PIK3C2G: variants seen among roughly 807,000 people sequenced by gnomAD.
PIK3C2G encodes phosphatidylinositol 3-kinase C2 domain-containing subunit gamma.
Under a neutral mutation model 181.1 loss-of-function variants are expected in PIK3C2G, and 168 were observed. That is an observed-to-expected ratio of 0.93 (90% CI 0.82 to 1.05). The LOEUF (loss-of-function observed/expected upper bound fraction) is 1.05. Ranked by LOEUF, PIK3C2G falls within the 50% of genes least tolerant of loss-of-function variation. The pLI is 0.00. For synonymous variants in PIK3C2G, 573 were observed against 592.2 expected (o/e 0.97, Z 0.47); for missense variants, 1,869 against 1,732.8 (o/e 1.08, Z -1.40).
chr12:18,249,804 C>T (rs1344349403), intron 1 of PIK3C2G, among the ~76,000 whole-genome samples: 1 of 151,942 alleles, frequency 6.6e-6, no homozygotes, highest in African/African-American at 2.4e-5. Flanking sequence ...AGTGAAAACT[C>T]AGAAATATCT....
intron 14 of PIK3C2G, among the ~76,000 whole-genome samples, chr12:18,385,405 G>GA (rs1168167902): frequency 1.3e-5 from 2 of 152,096 alleles, no homozygotes; most frequent in Non-Finnish European, 2.9e-5. Context: ...AGTGGAGGCA[G>GA]ATAATACATA....
chr12:18,574,027 G>A (rs1297280113), intron 29 of PIK3C2G, among the ~76,000 whole-genome samples: 4 of 152,126 alleles, frequency 2.6e-5, no homozygotes, highest in Non-Finnish European at 4.4e-5. Context: ...TATATGCACA[G>A]AACATACAAC....
At chr12:18,485,993 C>T (rs1292292635) in intron 18 of PIK3C2G, among the ~76,000 whole-genome samples, 3 of 152,146 alleles carry the variant, frequency 2.0e-5, no homozygotes, top group Non-Finnish European at 2.9e-5. Context: ...CCACCCAAAA[C>T]TTTGTAGTTC....
At chr12:18,369,322 T>A (rs530181382) in intron 12 of PIK3C2G, among the ~76,000 whole-genome samples, 65 of 152,276 alleles carry the variant, frequency 4.3e-4, no homozygotes, top group African/African-American at 1.4e-3. Context: ...TATCTCCCCA[T>A]CTCAACTCCT....
chr12:18,645,042 A>G (rs1274722694), intron 32 of PIK3C2G, among the ~76,000 whole-genome samples: 3 of 152,218 alleles, frequency 2.0e-5, no homozygotes, highest in African/African-American at 7.2e-5. Flanking sequence ...ATAATTCCAA[A>G]CCCACACATT....
chr12:18,640,552 A>G lies in PIK3C2G; in HGVS notation c.4306A>G (p.Ile1436Val), dbSNP rs761211643. The G allele has an allele frequency of 1.9e-6, 3 of 1,593,196 alleles. No homozygotes were observed. The African/African-American group carries it at 4.0e-5, about 21-fold the overall frequency. ...PKCTDPTYNE[I>V]VVYDEVTELQ... ...ATGTACGGACCCCACTTACAATGAA[A>G]TTGTAAGTATAAGTCACCTTTTGTC... The change falls in exon 32 of 33, where the codon ATT (isoleucine) becomes GTT (valine). Residue 1436 changes from isoleucine (I) to valine (V), a missense_variant and splice_region_variant. By Grantham distance (29) the Ile-to-Val change is conservative. Coordinates refer to ENST00000538779, the MANE Select transcript of PIK3C2G (RefSeq NM_001288772.2).
the PIK3C2G span, among the ~76,000 whole-genome samples, chr12:18,707,057 G>A: frequency 2.0e-5 from 3 of 152,096 alleles, no homozygotes; most frequent in Non-Finnish European, 2.9e-5. Context: ...TCCTCCTCTG[G>A]TGTATCAAAT....
chr12:18,684,013 A>C, the PIK3C2G span: 21 of 1,241,590 alleles, frequency 1.7e-5, no homozygotes, highest in Non-Finnish European at 2.3e-5. Context: ...TCAATACATA[A>C]AATTTCCTTT....
chr12:18,669,499 G>A, the PIK3C2G span, among the ~76,000 whole-genome samples: 1 of 152,104 alleles, frequency 6.6e-6, no homozygotes, highest in Non-Finnish European at 1.5e-5. Flanking sequence ...CATAGACTCG[G>A]TGGCTTAAAC....
chr12:18,609,493 C>T, intron 30 of PIK3C2G, 42 bp from the exon 31 acceptor site: 1 of 1,193,170 alleles, frequency 8.4e-7, no homozygotes, highest in Non-Finnish European at 1.2e-6. Flanking sequence ...CTGTGCTGAG[C>T]TTTTTCCAAC....
At chr12:18,607,088 A>T in intron 30 of PIK3C2G, 1 of 456,464 alleles carries the variant, frequency 2.2e-6, no homozygotes, top group African/African-American at 2.0e-5. Flanking sequence ...AATAATTACA[A>T]TGTAACATTT....
intron 18 of PIK3C2G, among the ~76,000 whole-genome samples, chr12:18,478,226 T>C (rs1178707441): frequency 6.6e-6 from 1 of 152,216 alleles, no homozygotes; most frequent in Non-Finnish European, 1.5e-5. Flanking sequence ...TAAAATTCCA[T>C]GAGCATGGAT....
intron 29 of PIK3C2G, among the ~76,000 whole-genome samples, chr12:18,568,384 TTGTGTGTGTGTGTGTG>T (rs56936466): frequency 1.4e-5 from 2 of 145,744 alleles, no homozygotes; most frequent in Admixed American, 6.9e-5. Flanking sequence ...ACCAACAAAA[TTGTGTGTGTGTGTGTG>T]TGTGTGTGTG....
chr12:18,355,141 T>C (rs143452495), intron 11 of PIK3C2G, among the ~76,000 whole-genome samples: 73 of 152,350 alleles, frequency 4.8e-4, no homozygotes, highest in Admixed American at 9.1e-4. Flanking sequence ...ACATTGTGCC[T>C]GTTTCCTTGC....
At chr12:18,706,142 A>C in the PIK3C2G span, among the ~76,000 whole-genome samples, 4 of 151,314 alleles carry the variant, frequency 2.6e-5, no homozygotes, top group East Asian at 7.9e-4. Context: ...CTGAGGCAGG[A>C]GAATTGCTTG....
At chr12:18,374,099 A>G (rs1942265428) in intron 13 of PIK3C2G, among the ~76,000 whole-genome samples, 2 of 152,088 alleles carry the variant, frequency 1.3e-5, no homozygotes, top group African/African-American at 2.4e-5. Flanking sequence ...GAGATTCTCA[A>G]CCCTCATTAA....
In PIK3C2G at chr12:18,298,961, G is replaced by T. The variant is rs544720415; in HGVS notation, c.1034+4946G>T. 5.9e-5 allele frequency among the ~76,000 whole-genome samples: 9 copies of T among 151,868 alleles called. No individual in the cohort carries two copies. In the East Asian group the frequency reaches 1.7e-3, roughly 29 times the overall value. On this transcript the variant is annotated intron_variant, in intron 5 of 32. Transcript: ENST00000538779. ...GCTTTGGTTACGATAACTTTGTAAT[G>T]TATTTTGAAGGCAAGTAGTGTGATG... is the stretch of plus-strand genomic sequence containing the variant.
the PIK3C2G span, chr12:18,694,077 C>G: frequency 8.2e-7 from 1 of 1,222,446 alleles, no homozygotes; most frequent in South Asian, 1.2e-5. Flanking sequence ...CAGGAAGACA[C>G]CCCTGAGGGG....
intron 10 of PIK3C2G, among the ~76,000 whole-genome samples, chr12:18,344,131 T>C (rs964524885): frequency 2.0e-5 from 3 of 152,086 alleles, no homozygotes; most frequent in African/African-American, 7.2e-5. Context: ...TTCTTGGTTG[T>C]AGATGGTACT....
Sources: allele counts gnomAD v4.1 joint callset (sites outside exome capture counted in the v4.1 genomes callset), GRCh38; gene constraint gnomAD v4.1.1; transcripts MANE v1.5; gene names NCBI Gene and HGNC (gene_info 2026-07-23, HGNC 2026-07-21).